The following ZNF280C variants were observed in gnomAD, a reference collection of about 807,000 sequenced individuals.
The protein encoded by ZNF280C is zinc finger protein 280C.
ZNF280C carries 14 observed loss-of-function variants against 53.6 expected under a neutral mutation model. The observed-to-expected ratio is 0.26, with a 90% CI of 0.17 to 0.41. The LOEUF is 0.41. ZNF280C is among the 10% of genes least tolerant of loss of function. The pLI, the probability that ZNF280C is intolerant of heterozygous loss-of-function variation, is 1.00. For synonymous variants in ZNF280C, 203 were observed against 181.1 expected (o/e 1.12, Z -0.97); for missense variants, 416 against 547.1 (o/e 0.76, Z 2.39).
At chrX:130,231,059 A>T (rs746817884) in intron 8 of ZNF280C, among the ~76,000 whole-genome samples, 2 of 111,573 alleles carry the variant, frequency 1.8e-5, no homozygotes, top group African/African-American at 3.3e-5. Flanking sequence ...GCCCAAAATC[A>T]CCCATTTCAT....
At chrX:130,217,586 G>A (rs190008338) in intron 13 of ZNF280C, among the ~76,000 whole-genome samples, 8 of 112,057 alleles carry the variant, frequency 7.1e-5, no homozygotes, top group Admixed American at 6.6e-4. Flanking sequence ...GGTAAATTGT[G>A]TGATATATGA....
intron 8 of ZNF280C, among the ~76,000 whole-genome samples, chrX:130,232,577 AT>A (rs1418984365): frequency 8.9e-6 from 1 of 111,848 alleles, no homozygotes; most frequent in Non-Finnish European, 1.9e-5. Context: ...GCCAACACAT[AT>A]GTGCAAAGGT....
In ZNF280C at chrX:130,239,644, A is replaced by C. The variant is rs754682653; in HGVS notation, c.431T>G (p.Leu144Arg). The C allele has an allele frequency of 1.7e-6, 2 of 1,202,713 alleles. No homozygotes were observed. ...QVGSDNSSIL[L>R]FDSTQESLPP... ...TAGTGATTCCTGGGTCGAGTCAAAC[A>C]GTAAAATTGAAGAATTATCCGATCC... is the stretch of plus-strand genomic sequence containing the variant. The change falls in exon 6 of 19, where the codon CTG becomes CGG. Residue 144 changes from leucine (L) to arginine (R), a missense_variant. This residue lies in a region of ZNF280C where 193 missense variants were observed against 201.4 expected (regional missense o/e 0.96). Transcript: ENST00000370978.
intron 15 of ZNF280C, among the ~76,000 whole-genome samples, chrX:130,214,901 AT>A (rs1444902046): frequency 1.8e-5 from 2 of 112,007 alleles, no homozygotes; most frequent in African/African-American, 6.5e-5. Context: ...ATGTTAAAAA[AT>A]AACCACTTTT....
chrX:130,243,961 T>C (rs1400208103), intron 3 of ZNF280C, 96 bp from the exon 4 acceptor site: 6 of 527,019 alleles, frequency 1.1e-5, no homozygotes, highest in African/African-American at 2.4e-5. Context: ...TAACCAATAA[T>C]TGAAGTATAT....
In ZNF280C at chrX:130,268,772, G is replaced by A. The variant is rs1323440201; in HGVS notation, c.-27C>T. The A allele has an allele frequency of 8.9e-6, 1 of 112,361 alleles. No homozygotes were observed. The highest frequency in any genetic ancestry group is 1.9e-5 in the Non-Finnish European group (1 of 53,164). 9.3% of individuals were successfully genotyped at this position (112,361 alleles called of 1,213,427 possible). ...GCGGGGGCCGCTTACCGAGAGCAGA[G>A]CAGATCGGTCTGACTGGGGTTCGGA... On this transcript the variant is annotated 5_prime_UTR_variant, in exon 1 of 19. Transcript: ENST00000370978.
At position 130,209,648 on chromosome X, in the gene ZNF280C, A is replaced by AT. The variant is rs751170253; in HGVS notation, c.2042+4dup. On this transcript the variant is annotated splice_donor_region_variant and intron_variant, in intron 16 of 18. Coordinates refer to ENST00000370978, the MANE Select transcript of ZNF280C (RefSeq NM_017666.5). ...TTGAAAGAAAAAAAAAAGATCAATG[A>AT]TTACCTGAGAGTTCCTGAATGCTTC... 36 of 1,195,048 alleles carry AT rather than the reference A, an allele frequency of 3.0e-5. No homozygotes were observed. Among genetic ancestry groups the AT allele is most frequent in the Non-Finnish European group, 4.0e-5 (35 of 884,194 alleles).
chrX:130,206,182 A>C (rs972235740), intron 16 of ZNF280C, among the ~76,000 whole-genome samples: 1 of 110,993 alleles, frequency 9.0e-6, no homozygotes, highest in Non-Finnish European at 1.9e-5. Context: ...TGGATTCTGC[A>C]ATCTAGTATC....
intron 16 of ZNF280C, among the ~76,000 whole-genome samples, chrX:130,205,744 T>C (rs1200546601): frequency 9.1e-6 from 1 of 109,384 alleles, no homozygotes; most frequent in African/African-American, 3.3e-5. Flanking sequence ...TCAGGCATCA[T>C]GGCGTGAGTC....
At chrX:130,255,519 G>A in intron 2 of ZNF280C, among the ~76,000 whole-genome samples, 1 of 109,457 alleles carries the variant, frequency 9.1e-6, no homozygotes, top group Admixed American at 9.7e-5. Context: ...AAGGAGAGGA[G>A]AAGTAATCAA....
At chrX:130,251,282 CAA>C (rs61571389) in intron 2 of ZNF280C, among the ~76,000 whole-genome samples, 7 of 15,336 alleles carry the variant, frequency 4.6e-4, no homozygotes, top group East Asian at 2.2e-3. Context: ...GGACCTGTCT[CAA>C]AAAAAAAAAA....
chrX:130,204,748 G>C lies in ZNF280C; in HGVS notation c.*229C>G. The C allele has an allele frequency of 3.4e-6, 1 of 292,243 alleles. No homozygotes were observed. The highest frequency in any genetic ancestry group is 2.8e-5 in the African/African-American group (1 of 36,361). The allele number at this position is 292,243 out of a possible 1,213,427, so 24.1% of individuals were successfully genotyped here. A position where few individuals can be genotyped will look rare whatever the true frequency, so the allele number is the denominator to read the frequency against. ...GAAAAACAAAAGGCATTTTTGGAGAGAGCCAACTGGAGAAAAAAATATGTT... is the reference window on the plus strand; with the variant it reads ...GAAAAACAAAAGGCATTTTTGGAGACAGCCAACTGGAGAAAAAAATATGTT... On this transcript the variant is annotated 3_prime_UTR_variant, in exon 19 of 19. Coordinates refer to ENST00000370978, the MANE Select transcript of ZNF280C (RefSeq NM_017666.5).
Position 130,244,933 on chromosome X carries a change from T to C in ZNF280C, c.179-1068A>G, listed in dbSNP as rs187164176. Among the ~76,000 whole-genome samples the C allele has an allele frequency of 1.4e-3, 157 of 111,329 alleles. 2 individuals are homozygous for C. Among genetic ancestry groups the C allele is most frequent in the Middle Eastern group, 4.7e-3 (1 of 215 alleles). ...ACGGAAGTCTTCTAAAAGAAAAATA[T>C]CCTCAAACAACTTGATAATGTTTTC... On this transcript the variant is annotated intron_variant, in intron 3 of 18. Coordinates refer to ENST00000370978, the MANE Select transcript of ZNF280C (RefSeq NM_017666.5).
chrX:130,260,546 C>A, intron 1 of ZNF280C, 81 bp from the exon 2 acceptor site: 2 of 780,566 alleles, frequency 2.6e-6, no homozygotes, highest in Non-Finnish European at 3.6e-6. Flanking sequence ...AACCTGAGAT[C>A]CAAAATCTTT....
intron 12 of ZNF280C, among the ~76,000 whole-genome samples, chrX:130,225,665 T>TAAA (rs369564290): frequency 1.2e-5 from 1 of 83,773 alleles, no homozygotes. Context: ...CCTACCAGGA[T>TAAA]AAAAAAAAAA....
intron 1 of ZNF280C, among the ~76,000 whole-genome samples, chrX:130,264,839 G>A (rs1011677761): frequency 9.0e-6 from 1 of 111,566 alleles, no homozygotes; most frequent in African/African-American, 3.3e-5. Context: ...CTCTGAGAAT[G>A]TTTCAAACAT....
chrX:130,219,535 T>C (rs2032140615), intron 13 of ZNF280C, among the ~76,000 whole-genome samples: 1 of 89,305 alleles, frequency 1.1e-5, no homozygotes, highest in Non-Finnish European at 2.2e-5. Flanking sequence ...CATATGTATA[T>C]AAGGCAAAGA....
chrX:130,207,969 G>A (rs1039041604), intron 16 of ZNF280C, among the ~76,000 whole-genome samples: 5 of 111,293 alleles, frequency 4.5e-5, no homozygotes, highest in Non-Finnish European at 9.4e-5. Context: ...CTTGAAGGTT[G>A]GTACAAGCCT....
rs189203737 is a variant in ZNF280C, at chrX:130,249,612, T to C, written c.32-2607A>G. Among the ~76,000 whole-genome samples the C allele has an allele frequency of 3.6e-4, 40 of 111,822 alleles. No individual in the cohort carries two copies. The East Asian group carries it at 0.01, about 29-fold the overall frequency. On this transcript the variant is annotated intron_variant, in intron 2 of 18. Transcript: ENST00000370978. ...AAGCCAGTTGACTGAATCTACCTTA[T>C]ACCACAATCAAACCCTTAAGGTCAT...
Sources: gnomAD v4.1 joint callset for allele counts (sites outside exome capture counted in the v4.1 genomes callset) on GRCh38, gnomAD v4.1.1 for gene constraint, gnomAD v4.1.1 regional missense constraint, MANE v1.5 for transcripts, NCBI Gene and HGNC (gene_info 2026-07-23, HGNC 2026-07-21) for gene names.